The following LRRK1 variants were observed in gnomAD, a reference collection of about 807,000 sequenced individuals.
LRRK1 encodes the protein leucine-rich repeat serine/threonine-protein kinase 1.
A neutral mutation model predicts 209.1 loss-of-function variants in LRRK1; 113 were observed. The ratio of observed to expected loss-of-function variants is 0.54; its 90% CI spans 0.46 to 0.63. The LOEUF (loss-of-function observed/expected upper bound fraction) is 0.63. Among genes scored for constraint, LRRK1 ranks in the 30% least tolerant of loss-of-function variants. LRRK1 has a pLI of 0.00. For synonymous variants in LRRK1, 1,144 were observed against 1,099.7 expected, an observed-to-expected ratio of 1.04 and a Z score of -0.80; for missense variants, 2,284 against 2,632.2, an observed-to-expected ratio of 0.87 and a Z score of 2.89.
At position 101,027,612 on chromosome 15, in the gene LRRK1, C is replaced by A. The variant is rs1261674929; in HGVS notation, c.2527-26C>A. 7 of 1,604,142 alleles carry A rather than the reference C, an allele frequency of 4.4e-6. No individual in the cohort carries two copies. The highest frequency in any genetic ancestry group is 5.9e-6 in the Non-Finnish European group (7 of 1,176,594). ...CAGGTGTGCCTTGGGACCTGAGAGA[C>A]CCTGCCTCGCCCAACTGTCCCCCAG... On this transcript the variant is annotated intron_variant, in intron 18 of 33. Transcript: ENST00000388948. The surrounding 1 kb of genome is among the most constrained non-coding windows in gnomAD (Gnocchi z 5.1).
chr15:100,921,265 T>C (rs1412602275), intron 1 of LRRK1, among the ~76,000 whole-genome samples: 1 of 152,208 alleles, frequency 6.6e-6, no homozygotes, highest in Non-Finnish European at 1.5e-5. Flanking sequence ...ACCTGTGGTT[T>C]CAGACTCATG....
rs773271994 is a variant in LRRK1, at chr15:101,055,110, C to T, written c.4219C>T (p.Leu1407=). The T allele has an allele frequency of 1.9e-6, 3 of 1,614,106 alleles. No individual in the cohort carries two copies. Among genetic ancestry groups the T allele is most frequent in the Admixed American group, 3.3e-5 (2 of 60,010 alleles). Residue 1407 remains leucine (L), a synonymous_variant, in exon 27 of 34, where the codon CTA becomes TTA. Transcript: ENST00000388948. ...CGTCAAGGAGCACATCAACATCAAG[C>T]TATCTGACTACGGGATTTCGAGGCA... is the stretch of plus-strand genomic sequence containing the variant. ...LDVKEHINIK[L]SDYGISRQSF...
chr15:101,066,312 G>GC, intron 32 of LRRK1, 107 bp downstream of exon 32: 1 of 1,417,596 alleles, frequency 7.1e-7, no homozygotes, highest in Non-Finnish European at 9.4e-7. Context: ...ATGTGGGGAG[G>GC]CAGGTGCTGT....
intron 2 of LRRK1, among the ~76,000 whole-genome samples, chr15:100,933,132 T>C (rs1268284140): frequency 1.3e-5 from 2 of 152,250 alleles, no homozygotes; most frequent in Admixed American, 1.3e-4. Context: ...TGAGGGCATC[T>C]TTATTTTGCC....
chr15:101,004,491 G>A (rs1294758803), intron 6 of LRRK1, among the ~76,000 whole-genome samples: 1 of 152,196 alleles, frequency 6.6e-6, no homozygotes, highest in East Asian at 1.9e-4. Flanking sequence ...CTGCATAGTG[G>A]GTATGAGGTT....
intron 6 of LRRK1, among the ~76,000 whole-genome samples, chr15:101,003,646 C>T (rs1021586179): frequency 1.3e-5 from 2 of 152,158 alleles, no homozygotes; most frequent in African/African-American, 2.4e-5. Context: ...GACTTGTTCA[C>T]TATCATGAGA....
chr15:100,977,201 A>AAT (rs59410329), intron 3 of LRRK1, among the ~76,000 whole-genome samples: 2 of 151,220 alleles, frequency 1.3e-5, no homozygotes, highest in Non-Finnish European at 3.0e-5. Context: ...AAAAAAAAAA[A>AAT]TTCCAAGGAA....
chr15:101,055,635 A>G (rs759327895), intron 27 of LRRK1, among the ~76,000 whole-genome samples: 3 of 152,196 alleles, frequency 2.0e-5, no homozygotes, highest in Non-Finnish European at 1.5e-5. Flanking sequence ...CTTGGCCTTA[A>G]GTCCCGGCCA....
intron 3 of LRRK1, among the ~76,000 whole-genome samples, chr15:100,982,131 G>A (rs567898151): frequency 6.6e-6 from 1 of 152,048 alleles, no homozygotes; most frequent in African/African-American, 2.4e-5. Flanking sequence ...GTGTTGATGG[G>A]GGGCACTCGC....
At chr15:100,929,286 T>G (rs1804336898) in intron 2 of LRRK1, among the ~76,000 whole-genome samples, 2 of 152,058 alleles carry the variant, frequency 1.3e-5, no homozygotes, top group Admixed American at 1.3e-4. Context: ...CCCCCAGCTC[T>G]CTGTGAGTGG....
rs973618719 is a variant in LRRK1 at position 101,070,067 on chromosome 15, T to C, written c.*1219T>C. The C allele has an allele frequency of 6.6e-6, 1 of 152,220 alleles. No homozygotes were observed. Among genetic ancestry groups the C allele is most frequent in the Non-Finnish European group, 1.5e-5 (1 of 68,044 alleles). 9.4% of individuals were successfully genotyped at this position (152,220 alleles called of 1,614,324 possible). A position where few individuals can be genotyped will look rare whatever the true frequency, so the allele number is the denominator to read the frequency against. On this transcript the variant is annotated 3_prime_UTR_variant, in exon 34 of 34. Coordinates refer to ENST00000388948, the MANE Select transcript of LRRK1 (RefSeq NM_024652.6). ...AGTATTTGCTGGATATGCAGGGAGA[T>C]GAGACTCTTTTAATCTCAAAATAAA...
At position 101,070,134 on chromosome 15, in the gene LRRK1, G is replaced by A. The variant is rs1217305895; in HGVS notation, c.*1286G>A. 2 of 152,086 alleles carry A rather than the reference G, an allele frequency of 1.3e-5. No individual in the cohort carries two copies. Among genetic ancestry groups the A allele is most frequent in the Non-Finnish European group, 2.9e-5 (2 of 68,016 alleles). The allele number at this position is 152,086 out of a possible 1,614,324, so 9.4% of individuals were successfully genotyped here. A position where few individuals can be genotyped will look rare whatever the true frequency, so the allele number is the denominator to read the frequency against. On this transcript the variant is annotated 3_prime_UTR_variant, in exon 34 of 34. Transcript: ENST00000388948. ...CGAAGCTGTGGCCTCTGTCTTTTGA[G>A]CGCTTATGACCACAGCACGGGCTCA...
At chr15:100,992,761 C>T (rs1479985001) in intron 6 of LRRK1, among the ~76,000 whole-genome samples, 5 of 152,074 alleles carry the variant, frequency 3.3e-5, no homozygotes, top group Admixed American at 1.3e-4. Flanking sequence ...CTCCACCTCC[C>T]GGGTCCAAGC....
chr15:100,973,858 G>A lies in LRRK1; in HGVS notation c.152G>A (p.Arg51Gln). The change falls in exon 3 of 34, where the codon CGG becomes CAG. Residue 51 changes from arginine (R) to glutamine (Q), a missense_variant. Transcript: ENST00000388948. ...ACGCGGGGCGGTGACCCTGCAGCGC[G>A]GTCCCGCAGGACGGAAGGCATCCGC... ...PSTRGGDPAA[R>Q]SRRTEGIRAA... is the part of the protein sequence containing the mutation. 7.7e-7 allele frequency: 1 copy of A among 1,291,414 alleles called. No homozygotes were observed. The highest frequency in any genetic ancestry group is 9.8e-7 in the Non-Finnish European group (1 of 1,015,500). The allele number at this position is 1,291,414 out of a possible 1,614,324, so 80.0% of individuals were successfully genotyped here.
At chr15:101,021,795 T>C (rs1410644234) in intron 13 of LRRK1, 50 bp from the exon 14 acceptor site, 7 of 1,092,722 alleles carry the variant, frequency 6.4e-6, no homozygotes, top group Non-Finnish European at 9.7e-6. Context: ...TGTGTGTGTG[T>C]GTGTGTGTGT....
In LRRK1 at chr15:100,983,534, C is replaced by G. The variant is rs2031713947; in HGVS notation, c.268C>G (p.Leu90Val). ...CCTGTTCTGTTTTGACCAGGGCCAG[C>G]TTCTGAGCATCCCGGCAGCCTATGG... is the stretch of plus-strand genomic sequence containing the variant. ...QCASQLEKGQ[L>V]LSIPAAYGDL... The change falls in exon 4 of 34, where the codon CTT becomes GTT. Residue 90 changes from leucine to valine, a missense_variant. Leu to Val is a conservative substitution (Grantham distance 32). Around this residue, in one of 6 missense-constraint regions of LRRK1, gnomAD observed 174 missense variants for 133.5 expected, o/e 1.30. Coordinates refer to ENST00000388948, the MANE Select transcript of LRRK1 (RefSeq NM_024652.6). 3 of 1,596,810 alleles carry G rather than the reference C, an allele frequency of 1.9e-6. No homozygotes were observed. Among genetic ancestry groups the G allele is most frequent in the East Asian group, 4.5e-5 (2 of 44,670 alleles).
chr15:100,992,907 C>T (rs913615833), intron 6 of LRRK1, among the ~76,000 whole-genome samples: 6 of 152,146 alleles, frequency 3.9e-5, no homozygotes, highest in Admixed American at 2.0e-4. Context: ...GTGATCCACC[C>T]GCCTCGGCCT....
At chr15:101,067,421 ATG>A (rs57333844) in intron 33 of LRRK1, 13,293 of 295,926 alleles carry the variant, frequency 0.045, 129 homozygotes, top group East Asian at 0.061. Context: ...CTCAGTTCAA[ATG>A]TGTGTGTGTG....
intron 2 of LRRK1, among the ~76,000 whole-genome samples, chr15:100,947,351 G>T (rs533163102): frequency 6.6e-6 from 1 of 152,112 alleles, no homozygotes; most frequent in African/African-American, 2.4e-5. Flanking sequence ...AAAATACACT[G>T]TGCCCATTCC....
Sources: allele counts gnomAD v4.1 joint callset (sites outside exome capture counted in the v4.1 genomes callset), GRCh38; gene constraint gnomAD v4.1.1; regional missense constraint gnomAD v4.1.1; non-coding constraint Gnocchi (gnomAD v3.1); transcripts MANE v1.5; gene names NCBI Gene and HGNC (gene_info 2026-07-23, HGNC 2026-07-21).